SKAP1: variants seen among roughly 807,000 people sequenced by gnomAD.
The protein encoded by SKAP1 is src kinase-associated phosphoprotein 1.
SKAP1 carries 44 observed loss-of-function variants against 58.5 expected under a neutral mutation model. The observed-to-expected ratio is 0.75, with a 90% CI of 0.59 to 0.97. The LOEUF is 0.97. Ranked by LOEUF, SKAP1 falls within the 50% of genes least tolerant of loss-of-function variation. SKAP1 has a pLI of 0.00. For missense variants in SKAP1, 390 were observed against 435.2 expected, an observed-to-expected ratio of 0.90 and a Z score of 0.92; for synonymous variants, 127 against 149.7, an observed-to-expected ratio of 0.85 and a Z score of 1.11.
chr17:48,265,132 G>A (rs77621299), intron 4 of SKAP1, among the ~76,000 whole-genome samples: 2,275 of 152,200 alleles, frequency 0.015, 42 homozygotes, highest in African/African-American at 0.048. Flanking sequence ...GTTAACAGAC[G>A]TACCTGAATC....
intron 11 of SKAP1, among the ~76,000 whole-genome samples, chr17:48,153,409 G>A (rs16953055): frequency 0.027 from 4,113 of 152,210 alleles, 175 homozygotes; most frequent in African/African-American, 0.092. Context: ...GGCCTCTACT[G>A]AATTTGACCG....
At chr17:48,156,693 A>G (rs990095180) in intron 11 of SKAP1, among the ~76,000 whole-genome samples, 2 of 152,218 alleles carry the variant, frequency 1.3e-5, no homozygotes, top group African/African-American at 2.4e-5. Flanking sequence ...GGGCCAAGGA[A>G]TGCATGGATG....
intron 11 of SKAP1, among the ~76,000 whole-genome samples, chr17:48,148,137 T>C (rs1164832114): frequency 6.6e-6 from 1 of 152,074 alleles, no homozygotes; most frequent in Non-Finnish European, 1.5e-5. Flanking sequence ...GAGTGGATAA[T>C]GATCAAGCTG....
At chr17:48,200,732 C>T (rs1336211500) in intron 4 of SKAP1, among the ~76,000 whole-genome samples, 3 of 152,162 alleles carry the variant, frequency 2.0e-5, no homozygotes, top group African/African-American at 7.2e-5. Flanking sequence ...AAGGATCTTT[C>T]CCTTAAATAT....
intron 4 of SKAP1, among the ~76,000 whole-genome samples, chr17:48,277,036 G>T (rs1246879074): frequency 6.6e-6 from 1 of 152,218 alleles, no homozygotes; most frequent in Non-Finnish European, 1.5e-5. Context: ...TCTATGAAAT[G>T]TCTGCACAAT....
intron 1 of SKAP1, among the ~76,000 whole-genome samples, chr17:48,413,883 A>G (rs933558195): frequency 6.6e-6 from 1 of 152,126 alleles, no homozygotes; most frequent in Non-Finnish European, 1.5e-5. Context: ...CATTCACTCT[A>G]TGTAGGACCT....
At chr17:48,359,703 C>A (rs993847332) in intron 3 of SKAP1, among the ~76,000 whole-genome samples, 1 of 152,146 alleles carries the variant, frequency 6.6e-6, no homozygotes, top group Admixed American at 6.6e-5. Flanking sequence ...ACCTGCCAGG[C>A]TTGAGTGATC....
intron 6 of SKAP1, among the ~76,000 whole-genome samples, chr17:48,186,396 G>A (rs1289517425): frequency 6.6e-6 from 1 of 152,210 alleles, no homozygotes; most frequent in Non-Finnish European, 1.5e-5. Context: ...TGCAGGCAGT[G>A]TGAGACAATT....
intron 2 of SKAP1, among the ~76,000 whole-genome samples, chr17:48,390,367 C>T (rs1219609450): frequency 1.3e-5 from 2 of 152,008 alleles, no homozygotes; most frequent in African/African-American, 4.8e-5. Context: ...AAAGCCAAAG[C>T]AAATGGTGAT....
intron 3 of SKAP1, among the ~76,000 whole-genome samples, chr17:48,351,971 A>C (rs2066808115): frequency 6.6e-6 from 1 of 151,940 alleles, no homozygotes; most frequent in African/African-American, 2.4e-5. Context: ...TTTTCCCTCA[A>C]GAAAATGGTC....
intron 4 of SKAP1, among the ~76,000 whole-genome samples, chr17:48,316,574 A>G: frequency 6.6e-6 from 1 of 152,070 alleles, no homozygotes; most frequent in East Asian, 2.0e-4. Context: ...ATTATATAAC[A>G]TATCGGCCCC....
chr17:48,310,640 T>G lies in SKAP1; in HGVS notation c.280+35265A>C, dbSNP rs545381618. ...GACATTAATAATCATATTTCTTAAT[T>G]TGAAACAAAAAGCATTTGGGGAAAA... On this transcript the variant is annotated intron_variant, in intron 4 of 12. Coordinates refer to ENST00000336915, the MANE Select transcript of SKAP1 (RefSeq NM_003726.4). Among the ~76,000 whole-genome samples, 6 of 152,322 alleles carry G rather than the reference T, an allele frequency of 3.9e-5. No homozygotes were observed. In the South Asian group the frequency reaches 1.2e-3, roughly 32 times the overall value.
At chr17:48,213,799 G>C (rs2064905279) in intron 4 of SKAP1, among the ~76,000 whole-genome samples, 1 of 152,162 alleles carries the variant, frequency 6.6e-6, no homozygotes, top group Non-Finnish European at 1.5e-5. Flanking sequence ...CACAGAGGAA[G>C]ACTTTTTTCC....
intron 4 of SKAP1, among the ~76,000 whole-genome samples, chr17:48,231,575 C>CT (rs1420395222): frequency 3.3e-5 from 5 of 151,734 alleles, no homozygotes; most frequent in African/African-American, 1.2e-4. Context: ...GAATTTTACG[C>CT]TGAGACCTTC....
chr17:48,302,322 T>C (rs1253762419), intron 4 of SKAP1, among the ~76,000 whole-genome samples: 2 of 151,110 alleles, frequency 1.3e-5, no homozygotes, highest in African/African-American at 4.9e-5. Flanking sequence ...ATTTTTTTTT[T>C]CTGCAGAGGG....
rs186848168 is a variant in SKAP1 at position 48,397,566 on chromosome 17, T to C, written c.47-781A>G. Among the ~76,000 whole-genome samples, 185 of 152,158 alleles carry C rather than the reference T, an allele frequency of 1.2e-3. 1 individual carries two copies. The highest frequency in any genetic ancestry group is 4.1e-3 in the Admixed American group (63 of 15,282). On this transcript the variant is annotated intron_variant, in intron 1 of 12. Transcript: ENST00000336915. ...ATAAACATGTAATATTATAAATAAG[T>C]CACAGAAGGTCACAGGCCAATAGAA...
chr17:48,251,058 G>A (rs1033871080), intron 4 of SKAP1, among the ~76,000 whole-genome samples: 17 of 152,158 alleles, frequency 1.1e-4, no homozygotes, highest in Admixed American at 2.0e-4. Flanking sequence ...TTAAACATCC[G>A]CTACCCTGAA....
At chr17:48,156,192 C>A (rs1297565064) in intron 11 of SKAP1, among the ~76,000 whole-genome samples, 1 of 152,258 alleles carries the variant, frequency 6.6e-6, no homozygotes, top group Non-Finnish European at 1.5e-5. Context: ...GGCAGAGCGA[C>A]CGCCACGCTA....
the SKAP1 span, among the ~76,000 whole-genome samples, chr17:48,436,315 G>A: frequency 6.6e-6 from 1 of 152,096 alleles, no homozygotes; most frequent in Non-Finnish European, 1.5e-5. Flanking sequence ...CAGGTGATCT[G>A]TCCACCTCGG....
Sources: gnomAD v4.1 joint callset for allele counts (sites outside exome capture counted in the v4.1 genomes callset) on GRCh38, gnomAD v4.1.1 for gene constraint, MANE v1.5 for transcripts, NCBI Gene and HGNC (gene_info 2026-07-23, HGNC 2026-07-21) for gene names.